Variants in FHIT observed in about 807,000 individuals in gnomAD.
FHIT encodes the protein bis(5'-adenosyl)-triphosphatase.
A neutral mutation model predicts 17.9 loss-of-function variants in FHIT; 19 were observed. The ratio of observed to expected loss-of-function variants is 1.06; its 90% CI spans 0.74 to 1.56. The LOEUF is 1.56. FHIT is among the 40% of genes most tolerant of loss of function. The pLI is 0.00. For synonymous variants in FHIT, 81 were observed against 69.7 expected, an observed-to-expected ratio of 1.16 and a Z score of -0.81; for missense variants, 248 against 189.2, an observed-to-expected ratio of 1.31 and a Z score of -1.82.
chr3:60,846,964 C>T (rs1702950439), intron 3 of FHIT, among the ~76,000 whole-genome samples: 1 of 152,066 alleles, frequency 6.6e-6, no homozygotes, highest in Admixed American at 6.5e-5. Flanking sequence ...GCTGGGATTA[C>T]AGGTATGCAC....
At chr3:59,752,003 GAAGAAGAGA>G (rs1177986552) in intron 9 of FHIT, 3 of 428,800 alleles carry the variant, frequency 7.0e-6, no homozygotes, top group Non-Finnish European at 1.2e-5. Context: ...CACTGGCTTG[GAAGAAGAGA>G]GTGAAGAGGC....
At chr3:60,085,474 T>A (rs891691661) in intron 5 of FHIT, among the ~76,000 whole-genome samples, 1 of 152,216 alleles carries the variant, frequency 6.6e-6, no homozygotes, top group African/African-American at 2.4e-5. Context: ...AGATGTTTAA[T>A]ATTGCTTTCC....
intron 3 of FHIT, among the ~76,000 whole-genome samples, chr3:60,977,174 A>C (rs1337478535): frequency 6.6e-6 from 1 of 152,156 alleles, no homozygotes; most frequent in Admixed American, 6.5e-5. Flanking sequence ...CACACGGGGT[A>C]AAAAATGAGG....
intron 2 of FHIT, among the ~76,000 whole-genome samples, chr3:61,157,131 A>G (rs562125100): frequency 6.6e-6 from 1 of 152,318 alleles, no homozygotes; most frequent in South Asian, 2.1e-4. Flanking sequence ...GAGAGAATAA[A>G]CATATATTCC....
At chr3:59,903,833 G>A (rs1408585233) in intron 8 of FHIT, among the ~76,000 whole-genome samples, 2 of 152,194 alleles carry the variant, frequency 1.3e-5, no homozygotes, top group African/African-American at 4.8e-5. Flanking sequence ...ATAAGTTGAA[G>A]AGAAGGCAAA....
intron 3 of FHIT, among the ~76,000 whole-genome samples, chr3:60,924,932 T>C (rs1553769442): frequency 6.6e-6 from 1 of 152,120 alleles, no homozygotes. Flanking sequence ...CAGTAGCCGA[T>C]TCGATCAACT....
intron 7 of FHIT, among the ~76,000 whole-genome samples, chr3:59,941,223 C>T (rs1706501354): frequency 6.6e-6 from 1 of 152,150 alleles, no homozygotes; most frequent in East Asian, 1.9e-4. Flanking sequence ...ATAGTGTATG[C>T]TGATTGTTCT....
intron 4 of FHIT, among the ~76,000 whole-genome samples, chr3:60,804,991 G>A (rs569441371): frequency 7.2e-5 from 11 of 152,260 alleles, no homozygotes; most frequent in Admixed American, 5.9e-4. Context: ...CATAATCCAC[G>A]AGTAACTAGC....
chr3:60,897,401 C>T (rs1705880737), intron 3 of FHIT, among the ~76,000 whole-genome samples: 1 of 152,126 alleles, frequency 6.6e-6, no homozygotes, highest in South Asian at 2.1e-4. Flanking sequence ...ATCAGAAATA[C>T]ATCTTGCAAC....
At chr3:60,381,141 G>A (rs1230343841) in intron 5 of FHIT, among the ~76,000 whole-genome samples, 1 of 152,086 alleles carries the variant, frequency 6.6e-6, no homozygotes, top group Admixed American at 6.6e-5. Flanking sequence ...CCCCAAAGAT[G>A]CCTCCCCAAT....
At chr3:61,166,236 G>A (rs955553181) in intron 2 of FHIT, among the ~76,000 whole-genome samples, 5 of 152,226 alleles carry the variant, frequency 3.3e-5, no homozygotes, top group Non-Finnish European at 7.3e-5. Flanking sequence ...CAACCTGAGA[G>A]TAGTTATTTA....
Position 60,774,817 on chromosome 3 carries a change from G to T in FHIT, c.-18+47102C>A, listed in dbSNP as rs377045113. On this transcript the variant is annotated intron_variant, in intron 4 of 9. Transcript: ENST00000492590. ...GCAGCACAGACATCACAGATACATGGGATGATTCATACACTGGGAAGGGCA... is the reference window on the plus strand; with the variant it reads ...GCAGCACAGACATCACAGATACATGTGATGATTCATACACTGGGAAGGGCA... Among the ~76,000 whole-genome samples, 23 of 152,212 alleles carry T rather than the reference G, an allele frequency of 1.5e-4. No homozygotes were observed. The South Asian group carries it at 4.8e-3, about 32-fold the overall frequency.
chr3:60,068,065 G>C (rs534785969), intron 5 of FHIT, among the ~76,000 whole-genome samples: 4 of 151,852 alleles, frequency 2.6e-5, no homozygotes, highest in African/African-American at 9.7e-5. Context: ...GTGAAACCCC[G>C]TCTCTACTAA....
At chr3:60,448,989 G>A (rs2031534490) in intron 5 of FHIT, among the ~76,000 whole-genome samples, 1 of 152,122 alleles carries the variant, frequency 6.6e-6, no homozygotes, top group Non-Finnish European at 1.5e-5. Context: ...GGAAAATGAA[G>A]CATCTGGTCT....
At chr3:60,692,495 G>A (rs1553699726) in intron 4 of FHIT, among the ~76,000 whole-genome samples, 1 of 152,136 alleles carries the variant, frequency 6.6e-6, no homozygotes, top group Non-Finnish European at 1.5e-5. Context: ...AATAGTCAGA[G>A]CAATGCAATA....
At chr3:59,847,952 C>G (rs750658493) in intron 8 of FHIT, among the ~76,000 whole-genome samples, 1 of 151,940 alleles carries the variant, frequency 6.6e-6, no homozygotes, top group Non-Finnish European at 1.5e-5. Flanking sequence ...TTAAGGGAAG[C>G]GAAAAAAGGC....
chr3:60,265,329 T>C (rs1462708348), intron 5 of FHIT, among the ~76,000 whole-genome samples: 2 of 151,816 alleles, frequency 1.3e-5, no homozygotes, highest in Admixed American at 6.6e-5. Flanking sequence ...AGAGAAAGAG[T>C]AGTCTTTTTA....
chr3:61,250,201 G>GA (rs1251535324), intron 1 of FHIT, among the ~76,000 whole-genome samples: 1 of 152,212 alleles, frequency 6.6e-6, no homozygotes, highest in Non-Finnish European at 1.5e-5. Context: ...TGCCCGACGA[G>GA]AAACAAGAGG....
intron 8 of FHIT, among the ~76,000 whole-genome samples, chr3:59,767,538 A>G (rs1017305790): frequency 2.0e-5 from 3 of 152,264 alleles, no homozygotes; most frequent in East Asian, 1.9e-4. Flanking sequence ...TGAAGGAGAG[A>G]TGCCCTCGGT....
Sources: gnomAD v4.1 joint callset for allele counts (sites outside exome capture counted in the v4.1 genomes callset) on GRCh38, gnomAD v4.1.1 for gene constraint, MANE v1.5 for transcripts, NCBI Gene and HGNC (gene_info 2026-07-23, HGNC 2026-07-21) for gene names.